Variants in EEF1E1 observed in about 807,000 individuals in gnomAD.
The protein encoded by EEF1E1 is eukaryotic translation elongation factor 1 epsilon 1.
In EEF1E1, 19 loss-of-function variants were observed where a neutral mutation model predicts 19.9. The ratio of observed to expected loss-of-function variants is 0.95; its 90% CI spans 0.66 to 1.40. The LOEUF is 1.40. Ranked by LOEUF, EEF1E1 falls within the 40% of genes most tolerant of loss-of-function variation. The pLI, the probability that EEF1E1 is intolerant of heterozygous loss-of-function variation, is 0.00. For synonymous variants in EEF1E1, 81 were observed against 80.0 expected, an observed-to-expected ratio of 1.01 and a Z score of -0.07; for missense variants, 198 against 202.2, an observed-to-expected ratio of 0.98 and a Z score of 0.13.
downstream of EEF1E1, among the ~76,000 whole-genome samples, chr6:8,077,064 T>C (rs9502680): frequency 0.077 from 11,627 of 151,272 alleles, 734 homozygotes; most frequent in East Asian, 0.24. Flanking sequence ...CTGCCTCAGC[T>C]TCCCGAGTAG....
At chr6:8,095,863 T>A (rs1001668162) in intron 2 of EEF1E1, among the ~76,000 whole-genome samples, 1 of 152,206 alleles carries the variant, frequency 6.6e-6, no homozygotes, top group East Asian at 1.9e-4. Context: ...CAATCCACTC[T>A]ATGTACAATC....
At chr6:8,081,253 C>T (rs1757716473) in intron 3 of EEF1E1, among the ~76,000 whole-genome samples, 1 of 152,192 alleles carries the variant, frequency 6.6e-6, no homozygotes, top group South Asian at 2.1e-4. Flanking sequence ...TGCTCTAGCA[C>T]ATTATAAAAA....
intron 2 of EEF1E1, 35 bp downstream of exon 2, chr6:8,097,232 T>G: frequency 6.3e-7 from 1 of 1,588,448 alleles, no homozygotes; most frequent in Non-Finnish European, 8.6e-7. Flanking sequence ...GATTAACAGT[T>G]CATGCATTTC....
chr6:8,081,756 T>C (rs900455172), intron 3 of EEF1E1, among the ~76,000 whole-genome samples: 1 of 152,164 alleles, frequency 6.6e-6, no homozygotes, highest in African/African-American at 2.4e-5. Flanking sequence ...TGAATAAAAT[T>C]CAAAATCAAC....
At chr6:8,081,254 A>G (rs963247857) in intron 3 of EEF1E1, among the ~76,000 whole-genome samples, 1 of 152,256 alleles carries the variant, frequency 6.6e-6, no homozygotes, top group African/African-American at 2.4e-5. Flanking sequence ...GCTCTAGCAC[A>G]TTATAAAAAC....
intron 3 of EEF1E1, among the ~76,000 whole-genome samples, chr6:8,084,456 C>T (rs1757795937): frequency 6.6e-6 from 1 of 152,186 alleles, no homozygotes; most frequent in Non-Finnish European, 1.5e-5. Context: ...GCAAAACCTG[C>T]ATAAGCTAGA....
chr6:8,086,835 A>G (rs1318048932), intron 3 of EEF1E1, among the ~76,000 whole-genome samples: 1 of 152,222 alleles, frequency 6.6e-6, no homozygotes, highest in East Asian at 1.9e-4. Context: ...ACATGCCAGG[A>G]ATTACCTCAG....
chr6:8,091,830 TAGA>T (rs1331879207), intron 2 of EEF1E1, among the ~76,000 whole-genome samples: 1 of 152,262 alleles, frequency 6.6e-6, no homozygotes, highest in Non-Finnish European at 1.5e-5. Flanking sequence ...GCATTTATTC[TAGA>T]AGAATTCCTT....
chr6:8,080,461 G>C (rs1344296700), intron 3 of EEF1E1, among the ~76,000 whole-genome samples: 1 of 152,272 alleles, frequency 6.6e-6, no homozygotes, highest in East Asian at 1.9e-4. Context: ...TACTTCCAGT[G>C]GTGTGTGACT....
At chr6:8,077,036 C>T (rs888089566), downstream of EEF1E1, among the ~76,000 whole-genome samples, 4 of 150,920 alleles carry the variant, frequency 2.7e-5, no homozygotes, top group Non-Finnish European at 4.4e-5. Flanking sequence ...CTCCGCCTCC[C>T]GGGTTCACGC....
chr6:8,085,154 A>G (rs1365022718), intron 3 of EEF1E1, among the ~76,000 whole-genome samples: 1 of 151,640 alleles, frequency 6.6e-6, no homozygotes, highest in African/African-American at 2.4e-5. Context: ...TATTGCTTTT[A>G]TTTATTTTTT....
intron 1 of EEF1E1, among the ~76,000 whole-genome samples, chr6:8,101,244 ATATATATATATATATATATATAT>A (rs1274146609): frequency 9.6e-5 from 4 of 41,642 alleles, no homozygotes; most frequent in African/African-American, 4.7e-4. Flanking sequence ...AAAAAAAAAA[ATATATATATATATATATATATAT>A]ATATATATAT....
chr6:8,080,163 A>G, intron 3 of EEF1E1, 133 bp from the exon 4 acceptor site: 1 of 943,020 alleles, frequency 1.1e-6, no homozygotes, highest in Non-Finnish European at 1.6e-6. Context: ...AAGCCAACAT[A>G]TTCAGATAGG....
chr6:8,102,102 C>T, intron 1 of EEF1E1: 1 of 1,226,288 alleles, frequency 8.2e-7, no homozygotes, highest in Non-Finnish European at 1.0e-6. Context: ...AAAAAAAAAG[C>T]CAGTTACTGA....
At chr6:8,101,833 C>T in intron 1 of EEF1E1, 1 of 1,289,314 alleles carries the variant, frequency 7.8e-7, no homozygotes. Context: ...TTTAGAAACG[C>T]CTTCCCCGAA....
intron 3 of EEF1E1, among the ~76,000 whole-genome samples, chr6:8,087,012 TGA>T (rs1045670794): frequency 2.0e-5 from 3 of 151,926 alleles, no homozygotes; most frequent in Admixed American, 2.0e-4. Flanking sequence ...TTTAGGCGCC[TGA>T]GAGAGATGCA....
chr6:8,095,377 C>T, intron 2 of EEF1E1: 1 of 420,168 alleles, frequency 2.4e-6, no homozygotes, highest in South Asian at 1.6e-5. Context: ...GTGGTGCACA[C>T]CTGTAATCCC....
chr6:8,085,382 G>C (rs1419347741), intron 3 of EEF1E1, among the ~76,000 whole-genome samples: 2 of 151,916 alleles, frequency 1.3e-5, no homozygotes, highest in South Asian at 4.2e-4. Flanking sequence ...TGAACTCCTG[G>C]GCTCAAGCTA....
In EEF1E1 at chr6:8,102,234, G is replaced by A. The variant is rs978284022; in HGVS notation, c.87+201C>T. 9.2e-6 allele frequency: 5 copies of A among 542,204 alleles called. No individual in the cohort carries two copies. In the African/African-American group the frequency reaches 1.0e-4, roughly 11 times the overall value. The allele number at this position is 542,204 out of a possible 1,614,324, so 33.6% of individuals were successfully genotyped here. A position where few individuals can be genotyped will look rare whatever the true frequency, so the allele number is the denominator to read the frequency against. Reference sequence around the variant, plus strand: ...GTTCAGGCCAAGCCCAACCTGAGCTGGTTAACCCCTCCCTCCAGGAGGTAG... The same window carrying A: ...GTTCAGGCCAAGCCCAACCTGAGCTAGTTAACCCCTCCCTCCAGGAGGTAG... On this transcript the variant is annotated intron_variant, in intron 1 of 3. Coordinates refer to ENST00000379715, the MANE Select transcript of EEF1E1 (RefSeq NM_004280.5).
Sources: allele counts gnomAD v4.1 joint callset (sites outside exome capture counted in the v4.1 genomes callset), GRCh38; gene constraint gnomAD v4.1.1; transcripts MANE v1.5; gene names NCBI Gene and HGNC (gene_info 2026-07-23, HGNC 2026-07-21).